ERICH3: variants seen among roughly 807,000 people sequenced by gnomAD.
ERICH3 encodes the protein glutamate-rich protein 3.
A neutral mutation model predicts 131.1 loss-of-function variants in ERICH3; 126 were observed. The observed-to-expected ratio is 0.96, with a 90% CI of 0.83 to 1.11. The LOEUF is 1.11. ERICH3 is among the 50% of genes most tolerant of loss of function. The pLI is 0.00. For synonymous variants in ERICH3, 695 were observed against 644.6 expected, an observed-to-expected ratio of 1.08 and a Z score of -1.18; for missense variants, 2,050 against 1,810.7, an observed-to-expected ratio of 1.13 and a Z score of -2.40.
intron 7 of ERICH3, chr1:74,624,354 G>A (rs1221353468): frequency 6.6e-6 from 1 of 152,208 alleles, no homozygotes; most frequent in Admixed American, 6.5e-5. Flanking sequence ...GAGAGAGAAA[G>A]TCTGACACAA....
intron 12 of ERICH3, 196 bp from the exon 13 acceptor site, chr1:74,577,132 T>A (rs1427243626): frequency 2.0e-6 from 1 of 500,146 alleles, no homozygotes; most frequent in East Asian, 3.1e-5. Flanking sequence ...TTTTATTTAA[T>A]CCTAGACATC....
Position 74,636,330 on chromosome 1 carries a change from A to T in ERICH3, c.553T>A (p.Ser185Thr). ...VETVPKVTSRSRSKTSLLENE... is the reference protein window; with the variant it reads ...VETVPKVTSRTRSKTSLLENE... ...TCCAGCAATGAGGTTTTTGATCTGG[A>T]CCTTGAAGTTACCTTTGGAACAGTT... Residue 185 changes from serine to threonine, a missense_variant, in exon 6 of 15, where the codon TCC becomes ACC. Coordinates refer to ENST00000326665, the MANE Select transcript of ERICH3 (RefSeq NM_001002912.5). The T allele has an allele frequency of 6.2e-7, 1 of 1,612,774 alleles. No homozygotes were observed.
At chr1:74,670,318 G>T (rs532517495) in intron 1 of ERICH3, among the ~76,000 whole-genome samples, 1 of 152,136 alleles carries the variant, frequency 6.6e-6, no homozygotes, top group African/African-American at 2.4e-5. Context: ...CATCTCAGTT[G>T]TTGACCATGT....
intron 1 of ERICH3, among the ~76,000 whole-genome samples, chr1:74,653,361 C>T (rs1646554680): frequency 6.6e-6 from 1 of 151,708 alleles, no homozygotes; most frequent in Non-Finnish European, 1.5e-5. Flanking sequence ...TAGATACACA[C>T]TGTGTGTGCA....
At chr1:74,574,160 TTTTTGTTTTG>T (rs1332737627) in intron 13 of ERICH3, among the ~76,000 whole-genome samples, 1 of 151,902 alleles carries the variant, frequency 6.6e-6, no homozygotes, top group Admixed American at 6.6e-5. Flanking sequence ...CAGGCTAATT[TTTTTGTTTTG>T]TTTTGTTTTG....
chr1:74,573,330 C>T lies in ERICH3; in HGVS notation c.2380G>A (p.Glu794Lys). 1 of 1,608,598 alleles carries T rather than the reference C, an allele frequency of 6.2e-7. No individual in the cohort carries two copies. Among genetic ancestry groups the T allele is most frequent in the African/African-American group, 1.3e-5 (1 of 74,722 alleles). Residue 794 changes from glutamate to lysine, a missense_variant, in exon 14 of 15, where the codon GAG becomes AAG. Transcript: ENST00000326665. ...RDADIVQGKG[E>K]AALWGEAGAV... is the part of the protein sequence containing the mutation. The stretch of plus-strand genomic sequence containing the variant: ...CCTGCTTCTCCCCACAGTGCTGCCT[C>T]CCCTTTTCCCTGTACTATGTCAGCA...
At chr1:74,592,969 G>T (rs183136524) in intron 11 of ERICH3, among the ~76,000 whole-genome samples, 19 of 152,186 alleles carry the variant, frequency 1.2e-4, no homozygotes, top group Non-Finnish European at 1.9e-4. Flanking sequence ...TTGAGAGCAC[G>T]TATGTAAATT....
At chr1:74,664,050 A>G (rs955180845) in intron 1 of ERICH3, among the ~76,000 whole-genome samples, 6 of 152,166 alleles carry the variant, frequency 3.9e-5, no homozygotes, top group African/African-American at 1.4e-4. Flanking sequence ...AAATGCTACA[A>G]GGAAAGTATC....
Position 74,572,017 on chromosome 1 carries a change from C to G in ERICH3, c.3693G>C (p.Glu1231Asp), listed in dbSNP as rs767828131. 2.5e-6 allele frequency: 4 copies of G among 1,614,132 alleles called. No homozygotes were observed. The highest frequency in any genetic ancestry group is 3.4e-6 in the Non-Finnish European group (4 of 1,180,038). The change falls in exon 14 of 15, where the codon GAG (glutamate) becomes GAC (aspartate). Residue 1231 changes from glutamate (E) to aspartate (D), a missense_variant. Coordinates refer to ENST00000326665, the MANE Select transcript of ERICH3 (RefSeq NM_001002912.5). ...AEPAGKVQAPEGLIPATGQAE... is the reference protein window; with the variant it reads ...AEPAGKVQAPDGLIPATGQAE... ...CCTGGCCTGTGGCTGGGATCAGCCC[C>G]TCAGGGGCCTGCACCTTTCCTGCTG...
intron 8 of ERICH3, among the ~76,000 whole-genome samples, chr1:74,616,631 A>T (rs1477285068): frequency 6.6e-6 from 1 of 152,120 alleles, no homozygotes; most frequent in Non-Finnish European, 1.5e-5. Flanking sequence ...TGTGTCCTCC[A>T]ATAATTCATG....
chr1:74,668,989 C>T (rs1570925413), intron 1 of ERICH3, among the ~76,000 whole-genome samples: 3 of 152,240 alleles, frequency 2.0e-5, no homozygotes, highest in African/African-American at 4.8e-5. Context: ...AGGCAAGAAA[C>T]GTATGCTACT....
At chr1:74,611,821 A>G (rs1161348860) in intron 9 of ERICH3, among the ~76,000 whole-genome samples, 1 of 152,076 alleles carries the variant, frequency 6.6e-6, no homozygotes, top group Non-Finnish European at 1.5e-5. Flanking sequence ...CACACTCCCC[A>G]TGACTCTTGT....
rs370779572 is a variant in ERICH3, at chr1:74,572,343, C to G, written c.3367G>C (p.Gly1123Arg). The G allele has an allele frequency of 6.2e-7, 1 of 1,613,596 alleles. No homozygotes were observed. Among genetic ancestry groups the G allele is most frequent in the African/African-American group, 1.3e-5 (1 of 74,864 alleles). The change falls in exon 14 of 15, where the codon GGA (glycine) becomes CGA (arginine). Residue 1123 changes from glycine to arginine, a missense_variant. Gly to Arg is a moderately radical substitution (Grantham distance 125). Coordinates refer to ENST00000326665, the MANE Select transcript of ERICH3 (RefSeq NM_001002912.5). ...EETKAPPNEMGSDAENEAPVE... is the reference protein window; with the variant it reads ...EETKAPPNEMRSDAENEAPVE... ...GGTGCTTCGTTCTCAGCATCAGATC[C>G]CATTTCATTTGGGGGAGCTTTTGTC...
intron 12 of ERICH3, chr1:74,586,355 T>C: frequency 1.1e-6 from 1 of 910,578 alleles, no homozygotes; most frequent in Non-Finnish European, 1.3e-6. Context: ...TAGCAATATA[T>C]ATTAATATAT....
In ERICH3 at chr1:74,572,122, C is replaced by T; in HGVS notation, c.3588G>A (p.Leu1196=). 10 of 1,614,228 alleles carry T rather than the reference C, an allele frequency of 6.2e-6. No homozygotes were observed. Among genetic ancestry groups the T allele is most frequent in the Non-Finnish European group, 8.5e-6 (10 of 1,180,034 alleles). The change falls in exon 14 of 15, where the codon CTG becomes CTA. Residue 1196 remains leucine (L), a synonymous_variant. Coordinates refer to ENST00000326665, the MANE Select transcript of ERICH3 (RefSeq NM_001002912.5). ...RDTEHKDREE[L]SSRENRALKE... is the part of the protein sequence containing the mutation. ...TCAGGGCCCTATTCTCCCTGCTGGA[C>T]AGCTCTTCTCTGTCTTTGTGCTCTG...
In ERICH3 at chr1:74,568,571, T is replaced by A. The variant is rs755744552; in HGVS notation, c.*1887A>T. On this transcript the variant is annotated 3_prime_UTR_variant, in exon 15 of 15. Coordinates refer to ENST00000326665, the MANE Select transcript of ERICH3 (RefSeq NM_001002912.5). ...AGACAGATGATGGAGATTTATGATG[T>A]GCAGTGAGTAATATCCTTGAATAGG... The A allele has an allele frequency of 6.6e-6, 1 of 152,180 alleles. No individual in the cohort carries two copies. The highest frequency in any genetic ancestry group is 1.5e-5 in the Non-Finnish European group (1 of 68,000). The allele number at this position is 152,180 out of a possible 1,614,324, so 9.4% of individuals were successfully genotyped here.
chr1:74,651,958 C>T (rs1425475200), intron 1 of ERICH3, among the ~76,000 whole-genome samples: 1 of 152,116 alleles, frequency 6.6e-6, no homozygotes, highest in African/African-American at 2.4e-5. Context: ...GATGCCTGTC[C>T]AGGCTTACAA....
At chr1:74,633,401 TA>T (rs908012401) in intron 6 of ERICH3, among the ~76,000 whole-genome samples, 4 of 151,956 alleles carry the variant, frequency 2.6e-5, no homozygotes, top group Admixed American at 2.6e-4. Flanking sequence ...TAATAAAAAA[TA>T]AAAATAAGTA....
chr1:74,618,968 C>T (rs1270227791), intron 8 of ERICH3, among the ~76,000 whole-genome samples: 3 of 152,144 alleles, frequency 2.0e-5, no homozygotes, highest in African/African-American at 7.2e-5. Flanking sequence ...TTCAGTCCAG[C>T]TAAATTGCTA....
Sources: allele counts gnomAD v4.1 joint callset (sites outside exome capture counted in the v4.1 genomes callset), GRCh38; gene constraint gnomAD v4.1.1; transcripts MANE v1.5; gene names NCBI Gene and HGNC (gene_info 2026-07-23, HGNC 2026-07-21).